Variants in SPAG6 observed in about 807,000 individuals in gnomAD.
The protein encoded by SPAG6 is sperm associated antigen 6, also known as sperm-associated antigen 6.
In SPAG6, 49 loss-of-function variants were observed where a neutral mutation model predicts 58.5. The ratio of observed to expected loss-of-function variants is 0.84; its 90% CI spans 0.67 to 1.06. The LOEUF is 1.06. SPAG6 is among the 50% of genes least tolerant of loss of function. The pLI, the probability that SPAG6 is intolerant of heterozygous loss-of-function variation, is 0.00. For missense variants in SPAG6, 560 were observed against 611.3 expected, an observed-to-expected ratio of 0.92 and a Z score of 0.89; for synonymous variants, 233 against 225.6, an observed-to-expected ratio of 1.03 and a Z score of -0.29.
chr10:22,412,512 G>A (rs1043146225), intron 10 of SPAG6: 3 of 1,503,636 alleles, frequency 2.0e-6, no homozygotes, highest in Non-Finnish European at 1.8e-6. Flanking sequence ...TTGACCAAAA[G>A]AGTTCCAATA....
intron 4 of SPAG6, among the ~76,000 whole-genome samples, chr10:22,373,784 G>C (rs1015793587): frequency 6.6e-6 from 1 of 151,968 alleles, no homozygotes; most frequent in East Asian, 1.9e-4. Flanking sequence ...AGGCAAATGA[G>C]GTATGTGGGA....
chr10:22,400,402 T>C (rs1423011341), intron 8 of SPAG6, among the ~76,000 whole-genome samples: 1 of 152,096 alleles, frequency 6.6e-6, no homozygotes, highest in Admixed American at 6.6e-5. Context: ...CAACCAGCCA[T>C]GGCCTGAGGG....
chr10:22,352,378 C>CT (rs199628527), intron 2 of SPAG6, among the ~76,000 whole-genome samples: 8 of 151,700 alleles, frequency 5.3e-5, no homozygotes, highest in Non-Finnish European at 7.4e-5. Flanking sequence ...ATATATCACC[C>CT]TTTTTTTAAA....
chr10:22,403,471 T>C (rs1434187048), intron 9 of SPAG6, among the ~76,000 whole-genome samples: 1 of 152,258 alleles, frequency 6.6e-6, no homozygotes, highest in Admixed American at 6.5e-5. Flanking sequence ...AACTCATCAT[T>C]TTTTATGGCT....
chr10:22,407,640 A>G (rs1834593703), intron 9 of SPAG6, among the ~76,000 whole-genome samples: 1 of 151,966 alleles, frequency 6.6e-6, no homozygotes, highest in Non-Finnish European at 1.5e-5. Flanking sequence ...CTCGAGGAGT[A>G]TCTTTGTGGC....
At chr10:22,390,493 T>C (rs772708768) in intron 7 of SPAG6, among the ~76,000 whole-genome samples, 6 of 152,192 alleles carry the variant, frequency 3.9e-5, no homozygotes, top group Non-Finnish European at 5.9e-5. Context: ...GCAAGCCACA[T>C]AGTATGGTAG....
chr10:22,350,928 T>C (rs1234205934), intron 2 of SPAG6, among the ~76,000 whole-genome samples: 1 of 152,244 alleles, frequency 6.6e-6, no homozygotes, highest in African/African-American at 2.4e-5. Flanking sequence ...TTTGGATAAT[T>C]GTTCTCTTCA....
intron 4 of SPAG6, among the ~76,000 whole-genome samples, chr10:22,373,872 G>C (rs1381578056): frequency 6.6e-6 from 1 of 151,974 alleles, no homozygotes; most frequent in East Asian, 1.9e-4. Context: ...TTAGGTGCTA[G>C]TGAAAAAAAT....
At chr10:22,403,249 G>A (rs1331590158) in intron 9 of SPAG6, among the ~76,000 whole-genome samples, 1 of 152,024 alleles carries the variant, frequency 6.6e-6, no homozygotes, top group Non-Finnish European at 1.5e-5. Flanking sequence ...TCGTCATCTA[G>A]CATGAGGTAT....
At chr10:22,391,702 C>CA in intron 7 of SPAG6, 27 bp from the exon 8 acceptor site, 1 of 1,604,588 alleles carries the variant, frequency 6.2e-7, no homozygotes, top group Non-Finnish European at 8.5e-7. Flanking sequence ...AGATTCATAA[C>CA]ACTTGCTCTT....
intron 10 of SPAG6, among the ~76,000 whole-genome samples, chr10:22,413,664 CCTGA>C (rs1834798642): frequency 6.9e-6 from 1 of 144,554 alleles, no homozygotes; most frequent in Admixed American, 6.7e-5. Context: ...ATTTTGGTTA[CCTGA>C]CTAATGTTTT....
At chr10:22,346,488 TTCTTCTTCTTTCTTCTTCTTCTTCC>T (rs1564357336) in intron 2 of SPAG6, among the ~76,000 whole-genome samples, 2 of 132,338 alleles carry the variant, frequency 1.5e-5, no homozygotes, top group Admixed American at 7.4e-5. Context: ...CTTCTTCTTC[TTCTTCTTCTTTCTTCTTCTTCTTCC>T]TCTTCTTCTT....
chr10:22,348,518 T>C (rs1257066378), intron 2 of SPAG6, among the ~76,000 whole-genome samples: 1 of 152,182 alleles, frequency 6.6e-6, no homozygotes, highest in African/African-American at 2.4e-5. Context: ...CATTTTTCCC[T>C]CCAATATGCT....
chr10:22,352,956 G>C (rs1836771037), intron 2 of SPAG6, among the ~76,000 whole-genome samples: 1 of 152,156 alleles, frequency 6.6e-6, no homozygotes, highest in African/African-American at 2.4e-5. Context: ...TCAGTGCTCT[G>C]TTCAGAACTC....
rs1186682122 is a variant in SPAG6 at position 22,396,026 on chromosome 10, G to T, written c.1197+4106G>T. 2.6e-5 allele frequency among the ~76,000 whole-genome samples: 4 copies of T among 152,172 alleles called. No homozygotes were observed. The East Asian group carries it at 7.7e-4, about 29-fold the overall frequency. On this transcript the variant is annotated intron_variant, in intron 8 of 10. Transcript: ENST00000376624. ...TTCTGCATGCTGTACAGGAAGCATG[G>T]CTGGGAAGCCTCATGAAACTTACAA...
chr10:22,354,542 A>G (rs1298570818), intron 2 of SPAG6, among the ~76,000 whole-genome samples: 2 of 152,238 alleles, frequency 1.3e-5, no homozygotes, highest in Non-Finnish European at 2.9e-5. Flanking sequence ...TAACATGTTA[A>G]TTTGAAAACT....
At chr10:22,362,396 T>C (rs1253372704) in intron 2 of SPAG6, among the ~76,000 whole-genome samples, 2 of 151,836 alleles carry the variant, frequency 1.3e-5, no homozygotes, top group Non-Finnish European at 2.9e-5. Context: ...AGCTTTTCTT[T>C]TTTAGAGCAT....
At chr10:22,369,776 A>G (rs1266348694) in intron 4 of SPAG6, among the ~76,000 whole-genome samples, 1 of 152,250 alleles carries the variant, frequency 6.6e-6, no homozygotes, top group Non-Finnish European at 1.5e-5. Flanking sequence ...AGTAAATGTA[A>G]CATATTAGTA....
chr10:22,355,931 G>A (rs1836852562), intron 2 of SPAG6, among the ~76,000 whole-genome samples: 1 of 152,134 alleles, frequency 6.6e-6, no homozygotes, highest in Admixed American at 6.5e-5. Context: ...GTGAAACTTG[G>A]TTCAGTAAAA....
Sources: gnomAD v4.1 joint callset for allele counts (sites outside exome capture counted in the v4.1 genomes callset) on GRCh38, gnomAD v4.1.1 for gene constraint, MANE v1.5 for transcripts, NCBI Gene and HGNC (gene_info 2026-07-23, HGNC 2026-07-21) for gene names.